Variants in SUSD6 observed in about 807,000 individuals in gnomAD.
The protein encoded by SUSD6 is sushi domain-containing protein 6.
Under a neutral mutation model 28.4 loss-of-function variants are expected in SUSD6, and 16 were observed. That is an observed-to-expected ratio of 0.56 (90% confidence interval 0.38 to 0.86). The LOEUF (loss-of-function observed/expected upper bound fraction) is 0.86. Ranked by LOEUF, SUSD6 falls within the 40% of genes least tolerant of loss-of-function variation. The pLI, the probability that SUSD6 is intolerant of heterozygous loss-of-function variation, is 0.00. For missense variants in SUSD6, 341 were observed against 384.2 expected, an observed-to-expected ratio of 0.89 and a Z score of 0.94; for synonymous variants, 147 against 159.6, an observed-to-expected ratio of 0.92 and a Z score of 0.59.
intron 1 of SUSD6, among the ~76,000 whole-genome samples, chr14:69,621,903 G>A (rs1424170960): frequency 6.6e-6 from 1 of 152,130 alleles, no homozygotes; most frequent in Non-Finnish European, 1.5e-5. Context: ...TGGGTTATAC[G>A]TGAGCAATTG....
At chr14:69,674,503 T>C (rs939408029) in intron 2 of SUSD6, among the ~76,000 whole-genome samples, 1 of 152,168 alleles carries the variant, frequency 6.6e-6, no homozygotes, top group African/African-American at 2.4e-5. Flanking sequence ...GTTAAAAGTA[T>C]ACACAAGACA....
chr14:69,632,908 A>G (rs1439157735), intron 1 of SUSD6, among the ~76,000 whole-genome samples: 2 of 152,080 alleles, frequency 1.3e-5, no homozygotes, highest in South Asian at 2.1e-4. Context: ...ACAGGTTCCT[A>G]TCTCCACCAC....
intron 2 of SUSD6, among the ~76,000 whole-genome samples, chr14:69,693,183 T>C (rs1018321071): frequency 2.0e-5 from 3 of 152,234 alleles, no homozygotes; most frequent in Middle Eastern, 3.4e-3. Flanking sequence ...GCAGTGGTAG[T>C]GGCTTTGGGC....
At chr14:69,650,468 A>C (rs994477386) in intron 1 of SUSD6, among the ~76,000 whole-genome samples, 4 of 152,134 alleles carry the variant, frequency 2.6e-5, no homozygotes. Context: ...TCCCTGAGAG[A>C]TACATAGTTC....
intron 2 of SUSD6, among the ~76,000 whole-genome samples, chr14:69,661,552 G>A (rs575161752): frequency 6.6e-6 from 1 of 152,238 alleles, no homozygotes; most frequent in East Asian, 1.9e-4. Context: ...GCAGGGGAAA[G>A]GGGTTCACCT....
At chr14:69,650,145 A>T (rs1885482081) in intron 1 of SUSD6, among the ~76,000 whole-genome samples, 1 of 152,148 alleles carries the variant, frequency 6.6e-6, no homozygotes, top group African/African-American at 2.4e-5. Context: ...TCTTGTCTAA[A>T]CTAACATTGT....
chr14:69,639,323 A>AAC (rs1445487112), intron 1 of SUSD6, among the ~76,000 whole-genome samples: 1 of 146,122 alleles, frequency 6.8e-6, no homozygotes, highest in Non-Finnish European at 1.6e-5. Context: ...CAAAAAAAAA[A>AAC]AAAAAAAAAA....
chr14:69,711,693 C>T lies in SUSD6; in HGVS notation c.*714C>T, dbSNP rs749450103. ...GCCATCTGGCCCAAAGGCACAAGCT[C>T]CTGGCCCTGTTGAGTTGAGAGTTTC... is the stretch of plus-strand genomic sequence containing the variant. On this transcript the variant is annotated 3_prime_UTR_variant, in exon 6 of 6. Transcript: ENST00000342745. 1 of 152,286 alleles carries T rather than the reference C, an allele frequency of 6.6e-6. No homozygotes were observed. Among genetic ancestry groups the T allele is most frequent in the East Asian group, 1.9e-4 (1 of 5,182 alleles). 9.4% of individuals were successfully genotyped at this position (152,286 alleles called of 1,614,324 possible). A position where few individuals can be genotyped will look rare whatever the true frequency, so the allele number is the denominator to read the frequency against.
intron 1 of SUSD6, among the ~76,000 whole-genome samples, chr14:69,645,798 G>A (rs1885417402): frequency 1.3e-5 from 2 of 151,006 alleles, no homozygotes; most frequent in Admixed American, 6.6e-5. Context: ...CACCCAGGCT[G>A]GAGTGCAATG....
At position 69,713,370 on chromosome 14, in the gene SUSD6, T is replaced by TCTCCTCCC. The variant is rs1886496500; in HGVS notation, c.*2397_*2404dup. On this transcript the variant is annotated 3_prime_UTR_variant, in exon 6 of 6. Coordinates refer to ENST00000342745, the MANE Select transcript of SUSD6 (RefSeq NM_014734.4). ...AATGGGAGCCTTGGCTCCCCTCTCG[T>TCTCCTCCC]CTCCTCCCCTCCTTCTTGTCACTGG... 1 of 152,304 alleles carries TCTCCTCCC rather than the reference T, an allele frequency of 6.6e-6. No individual in the cohort carries two copies. The highest frequency in any genetic ancestry group is 2.4e-5 in the African/African-American group (1 of 41,446). The allele number at this position is 152,304 out of a possible 1,614,324, so 9.4% of individuals were successfully genotyped here.
chr14:69,666,317 C>T (rs779832884), intron 2 of SUSD6, among the ~76,000 whole-genome samples: 31 of 152,264 alleles, frequency 2.0e-4, no homozygotes, highest in Non-Finnish European at 4.0e-4. Flanking sequence ...ACTATTTGTT[C>T]TCTTCAGGGA....
intron 1 of SUSD6, among the ~76,000 whole-genome samples, chr14:69,638,998 G>A (rs1176120445): frequency 2.6e-5 from 4 of 152,066 alleles, no homozygotes; most frequent in Non-Finnish European, 5.9e-5. Context: ...AACAAGATTG[G>A]GTCCTTGCCC....
chr14:69,667,151 G>GACT (rs1211892048), intron 2 of SUSD6, among the ~76,000 whole-genome samples: 1 of 152,170 alleles, frequency 6.6e-6, no homozygotes, highest in Non-Finnish European at 1.5e-5. Flanking sequence ...ACTAGACTAT[G>GACT]ACTGAGTGGG....
intron 1 of SUSD6, among the ~76,000 whole-genome samples, chr14:69,657,092 C>T (rs552400029): frequency 3.9e-5 from 6 of 152,328 alleles, no homozygotes; most frequent in Non-Finnish European, 7.4e-5. Context: ...AGACAACTTA[C>T]GTTGCTGTTT....
chr14:69,654,142 T>A (rs1343276026), intron 1 of SUSD6, among the ~76,000 whole-genome samples: 3 of 152,194 alleles, frequency 2.0e-5, no homozygotes, highest in Non-Finnish European at 2.9e-5. Context: ...CAGCTATTCC[T>A]GCAAAGCAAA....
rs188849401 is a variant in SUSD6, at chr14:69,707,108, A to C, written c.459-1569A>C. Among the ~76,000 whole-genome samples the C allele has an allele frequency of 3.3e-5, 5 of 152,314 alleles. No individual in the cohort carries two copies. The East Asian group carries it at 9.6e-4, about 29-fold the overall frequency. On this transcript the variant is annotated intron_variant, in intron 4 of 5. Coordinates refer to ENST00000342745, the MANE Select transcript of SUSD6 (RefSeq NM_014734.4). ...GACACAGGACAATTAAATGCAATAC[A>C]TGATACTTAATTGGGTCCTGGATGA...
At chr14:69,617,272 G>A (rs1346424888) in intron 1 of SUSD6, 1 of 152,108 alleles carries the variant, frequency 6.6e-6, no homozygotes, top group African/African-American at 2.4e-5. Flanking sequence ...GTTTTTCTGT[G>A]GGTATATGTT....
chr14:69,628,195 A>T (rs1391276738), intron 1 of SUSD6, among the ~76,000 whole-genome samples: 2 of 152,124 alleles, frequency 1.3e-5, no homozygotes, highest in East Asian at 3.8e-4. Flanking sequence ...TGCCTCCCAA[A>T]GTGCTGGGAT....
chr14:69,676,924 T>C (rs1052428665), intron 2 of SUSD6, among the ~76,000 whole-genome samples: 7 of 152,188 alleles, frequency 4.6e-5, no homozygotes, highest in Admixed American at 3.9e-4. Context: ...GCTCCCGTTA[T>C]TATGGTGAAG....
Sources: allele counts gnomAD v4.1 joint callset (sites outside exome capture counted in the v4.1 genomes callset), GRCh38; gene constraint gnomAD v4.1.1; transcripts MANE v1.5; gene names NCBI Gene and HGNC (gene_info 2026-07-23, HGNC 2026-07-21).